Variants in FAN1 observed in about 807,000 individuals in gnomAD.
FAN1 encodes the protein fanconi-associated nuclease 1.
Under a neutral mutation model 104.9 loss-of-function variants are expected in FAN1, and 91 were observed. The ratio of observed to expected loss-of-function variants is 0.87; its 90% CI spans 0.73 to 1.03. The LOEUF is 1.03. Ranked by LOEUF, FAN1 falls within the 50% of genes least tolerant of loss-of-function variation. The pLI, the probability that FAN1 is intolerant of heterozygous loss-of-function variation, is 0.00. For synonymous variants in FAN1, 478 were observed against 457.6 expected (o/e 1.04, Z -0.57); for missense variants, 1,263 against 1,239.9 (o/e 1.02, Z -0.28).
At position 30,907,346 on chromosome 15, in the gene FAN1, C is replaced by T. The variant is rs368406213; in HGVS notation, c.1235-772C>T. ...TAGCCTGACCAACATGGTGAAACCCCGTCTCTACTAAAAATACAAAAATTA... is the reference window on the plus strand; with the variant it reads ...TAGCCTGACCAACATGGTGAAACCCTGTCTCTACTAAAAATACAAAAATTA... On this transcript the variant is annotated intron_variant, in intron 2 of 14. Coordinates refer to ENST00000362065, the MANE Select transcript of FAN1 (RefSeq NM_014967.5). Among the ~76,000 whole-genome samples the T allele has an allele frequency of 5.0e-3, 756 of 151,938 alleles. 13 individuals carry two copies. Among genetic ancestry groups the T allele is most frequent in the South Asian group, 0.05 (238 of 4,798 alleles).
At position 30,941,861 on chromosome 15, in the gene FAN1, C is replaced by A. The variant is rs6493352; in HGVS notation, c.*299C>A. 1 of 1,613,872 alleles carries A rather than the reference C, an allele frequency of 6.2e-7. No individual in the cohort carries two copies. The highest frequency in any genetic ancestry group is 1.7e-5 in the Admixed American group (1 of 60,004). On this transcript the variant is annotated 3_prime_UTR_variant, in exon 15 of 15. Coordinates refer to ENST00000362065, the MANE Select transcript of FAN1 (RefSeq NM_014967.5). ...CAGTTTTATGTGTGTTCCAGAGACACGTGGCAGAATAACACCGTGCAGGTT... is the reference window on the plus strand; with the variant it reads ...CAGTTTTATGTGTGTTCCAGAGACAAGTGGCAGAATAACACCGTGCAGGTT...
rs761390002 is a variant in FAN1 at position 30,941,682 on chromosome 15, A to C, written c.*120A>C. ...ATCCTGCTCTGGCCCAGCTCCCCATAGCAGGCCTCCAGGGGGCCACTGCGC... is the reference window on the plus strand; with the variant it reads ...ATCCTGCTCTGGCCCAGCTCCCCATCGCAGGCCTCCAGGGGGCCACTGCGC... On this transcript the variant is annotated 3_prime_UTR_variant, in exon 15 of 15. Coordinates refer to ENST00000362065, the MANE Select transcript of FAN1 (RefSeq NM_014967.5). 2 of 1,613,720 alleles carry C rather than the reference A, an allele frequency of 1.2e-6. No individual in the cohort carries two copies. The highest frequency in any genetic ancestry group is 1.1e-5 in the South Asian group (1 of 91,032).
chr15:30,923,732 C>T (rs7178375), intron 8 of FAN1, among the ~76,000 whole-genome samples: 28,984 of 152,232 alleles, frequency 0.19, 3,001 homozygotes, highest in African/African-American at 0.28. Flanking sequence ...GAGTCTCATT[C>T]TCCCATCTTC....
At chr15:30,925,415 C>A in intron 9 of FAN1, 124 bp downstream of exon 9, 2 of 935,130 alleles carry the variant, frequency 2.1e-6, no homozygotes, top group Non-Finnish European at 3.2e-6. Context: ...ATCTAAAACT[C>A]GTTTTGGACG....
In FAN1 at chr15:30,905,681, C is replaced by T. The variant is rs771206220; in HGVS notation, c.1018C>T (p.Pro340Ser). 8.7e-6 allele frequency: 14 copies of T among 1,614,026 alleles called. No individual in the cohort carries two copies. The highest frequency in any genetic ancestry group is 2.7e-5 in the African/African-American group (2 of 74,936). ...ASAWSNIQEAPLQDDSCLNND... is the reference protein window; with the variant it reads ...ASAWSNIQEASLQDDSCLNND... ...TGCATGGAGTAACATCCAAGAGGCT[C>T]CTCTGCAGGATGACAGTTGCTTAAA... Residue 340 changes from proline to serine, a missense_variant, in exon 2 of 15, where the codon CCT becomes TCT. This residue lies in a region of FAN1 where 682 missense variants were observed against 571.1 expected (regional missense o/e 1.19). Coordinates refer to ENST00000362065, the MANE Select transcript of FAN1 (RefSeq NM_014967.5).
chr15:30,905,610 T>A lies in FAN1; in HGVS notation c.947T>A (p.Leu316Gln), dbSNP rs778652554. Residue 316 changes from leucine (L) to glutamine (Q), a missense_variant, in exon 2 of 15, where the codon CTG becomes CAG. This residue lies in a region of FAN1 where 682 missense variants were observed against 571.1 expected (regional missense o/e 1.19). Transcript: ENST00000362065. ...GTTGCTTCAGAAGCTAAAATACAGC[T>A]GTCAGATTCAGAGGCAAAATCTCAT... Reference protein sequence around the residue: ...MTVASEAKIQLSDSEAKSHSS... With the variant: ...MTVASEAKIQQSDSEAKSHSS... The A allele has an allele frequency of 1.9e-6, 3 of 1,614,106 alleles. No individual in the cohort carries two copies. In the Admixed American group the frequency reaches 5.0e-5, roughly 27 times the overall value.
intron 8 of FAN1, among the ~76,000 whole-genome samples, chr15:30,924,440 C>T (rs1293159414): frequency 6.6e-6 from 1 of 152,218 alleles, no homozygotes; most frequent in Non-Finnish European, 1.5e-5. Context: ...ACCAGTGTCA[C>T]ATTCCCACCA....
intron 1 of FAN1, 112 bp from the exon 2 acceptor site, chr15:30,904,400 C>T (rs1305881595): frequency 1.5e-5 from 8 of 551,186 alleles, no homozygotes; most frequent in Non-Finnish European, 2.6e-5. Context: ...GTCTCACGCT[C>T]AGGGTTGTCT....
chr15:30,920,699 G>A (rs748145720), intron 7 of FAN1, 46 bp downstream of exon 7: 41 of 1,126,692 alleles, frequency 3.6e-5, no homozygotes, highest in Non-Finnish European at 5.4e-5. Flanking sequence ...ATGTGATGGC[G>A]TTAAACATGT....
intron 13 of FAN1, among the ~76,000 whole-genome samples, chr15:30,935,888 TG>T (rs762367487): frequency 1.3e-5 from 2 of 152,110 alleles, no homozygotes; most frequent in Non-Finnish European, 2.9e-5. Flanking sequence ...CTATATCCCC[TG>T]ATTATACAGT....
chr15:30,904,853 T>A lies in FAN1; in HGVS notation c.190T>A (p.Cys64Ser). Residue 64 changes from cysteine (C) to serine (S), a missense_variant, in exon 2 of 15, where the codon TGT (cysteine) becomes AGT (serine). Cys to Ser is a moderately radical substitution (Grantham distance 112). This residue lies in a region of FAN1 where 682 missense variants were observed against 571.1 expected (regional missense o/e 1.19). Coordinates refer to ENST00000362065, the MANE Select transcript of FAN1 (RefSeq NM_014967.5). ...CTTAAACCGGCACCTTGATGAAATG[T>A]GTGCTAACAATGACTTCGTTCAAGT... ...YDLNRHLDEM[C>S]ANNDFVQVDP... The A allele has an allele frequency of 6.2e-7, 1 of 1,613,244 alleles. No individual in the cohort carries two copies. The highest frequency in any genetic ancestry group is 8.5e-7 in the Non-Finnish European group (1 of 1,179,248).
At chr15:30,927,029 G>A (rs1318070900) in intron 10 of FAN1, 10 of 985,064 alleles carry the variant, frequency 1.0e-5, no homozygotes, top group Middle Eastern at 5.2e-4. Flanking sequence ...GTTAAGGAAC[G>A]AACCAGGCAC....
intron 2 of FAN1, chr15:30,906,299 A>G (rs930871531): frequency 6.3e-5 from 29 of 457,278 alleles, no homozygotes; most frequent in African/African-American, 5.0e-4. Context: ...AGATGAAAGT[A>G]GAATAAAATA....
At position 30,929,937 on chromosome 15, in the gene FAN1, AAT is replaced by A. The variant is rs376520261; in HGVS notation, c.2787+546_2787+547del. Among the ~76,000 whole-genome samples, 359 of 109,170 alleles carry A rather than the reference AAT, an allele frequency of 3.3e-3. 5 individuals carry two copies. The highest frequency in any genetic ancestry group is 0.013 in the Middle Eastern group (3 of 230). 71.6% of individuals were successfully genotyped at this position (109,170 alleles called of 152,430 possible). A position where few individuals can be genotyped will look rare whatever the true frequency, so the allele number is the denominator to read the frequency against. ...AATATATATCATATATAATATATAA[AAT>A]ATATAATATAATATATATCATATAA... is the stretch of plus-strand genomic sequence containing the variant. On this transcript the variant is annotated intron_variant, in intron 12 of 14. Coordinates refer to ENST00000362065, the MANE Select transcript of FAN1 (RefSeq NM_014967.5).
Position 30,929,819 on chromosome 15 carries a change from T to TATAATATAATATATAAAATATATAA in FAN1, c.2787+422_2787+423insATAATATAATATATAAAATATATAA, listed in dbSNP as rs1263768371. Among the ~76,000 whole-genome samples the TATAATATAATATATAAAATATATAA allele has an allele frequency of 1.6e-4, 7 of 44,376 alleles. 1 individual carries two copies. Among genetic ancestry groups the TATAATATAATATATAAAATATATAA allele is most frequent in the Admixed American group, 4.1e-4 (1 of 2,444 alleles). The allele number at this position is 44,376 out of a possible 152,430, so 29.1% of individuals were successfully genotyped here. On this transcript the variant is annotated intron_variant, in intron 12 of 14. Transcript: ENST00000362065. Reference sequence around the variant, plus strand: ...TATAATATATAAAATATATAATATATTATATCATATATAATATAATATATA... The same window carrying TATAATATAATATATAAAATATATAA: ...TATAATATATAAAATATATAATATATATAATATAATATATAAAATATATAATATATCATATATAATATAATATATA...
chr15:30,922,351 A>ACCGGT lies in FAN1; in HGVS notation c.2170_2172+2dup. 2.5e-6 allele frequency: 4 copies of ACCGGT among 1,600,104 alleles called. No individual in the cohort carries two copies. The highest frequency in any genetic ancestry group is 3.4e-6 in the Non-Finnish European group (4 of 1,176,734). On this transcript the variant is annotated frameshift_variant, in exon 8 of 15. Transcript: ENST00000362065. LOFTEE classifies it high-confidence loss of function. ...TACACCAGCACTTGAAGCGCCTGGA[A>ACCGGT]CCGGTACTCAGTAACAAAACATATC... is the stretch of plus-strand genomic sequence containing the variant.
At chr15:30,922,055 A>G (rs1438040833) in intron 7 of FAN1, among the ~76,000 whole-genome samples, 180 bp from the exon 8 acceptor site, 1 of 152,212 alleles carries the variant, frequency 6.6e-6, no homozygotes, top group African/African-American at 2.4e-5. Context: ...TAGGGAACTC[A>G]TGCCCACTCC....
Position 30,928,582 on chromosome 15 carries a change from A to T in FAN1, c.2518A>T (p.Thr840Ser), listed in dbSNP as rs763258710. ...GIHGEGSTFS[T>S]LYGLLLWDII... ...TCATGGCGAAGGGTCCACCTTCAGCACCCTGTATGGCCTCCTCCTGTGGGA... is the reference window on the plus strand; with the variant it reads ...TCATGGCGAAGGGTCCACCTTCAGCTCCCTGTATGGCCTCCTCCTGTGGGA... The change falls in exon 11 of 15, where the codon ACC becomes TCC. Residue 840 changes from threonine to serine, a missense_variant. Coordinates refer to ENST00000362065, the MANE Select transcript of FAN1 (RefSeq NM_014967.5). The T allele has an allele frequency of 1.2e-6, 2 of 1,611,840 alleles. No homozygotes were observed. The highest frequency in any genetic ancestry group is 2.2e-5 in the East Asian group (1 of 44,768).
intron 12 of FAN1, among the ~76,000 whole-genome samples, chr15:30,929,819 T>TA (rs1263768371): frequency 2.3e-5 from 1 of 44,382 alleles, no homozygotes; most frequent in Non-Finnish European, 3.3e-5. Context: ...ATATAATATA[T>TA]TATATCATAT....
Sources: gnomAD v4.1 joint callset for allele counts (sites outside exome capture counted in the v4.1 genomes callset) on GRCh38, gnomAD v4.1.1 for gene constraint, gnomAD v4.1.1 regional missense constraint, MANE v1.5 for transcripts, NCBI Gene and HGNC (gene_info 2026-07-23, HGNC 2026-07-21) for gene names.